CTNND2: variants seen among roughly 807,000 people sequenced by gnomAD.
CTNND2 encodes the protein catenin delta 2, also known as catenin delta-2.
CTNND2 carries 22 observed loss-of-function variants against 144.4 expected under a neutral mutation model. The ratio of observed to expected loss-of-function variants is 0.15; its 90% confidence interval spans 0.11 to 0.22. The LOEUF is 0.22. CTNND2 is among the 10% of genes least tolerant of loss of function. CTNND2 has a pLI of 1.00. For missense variants in CTNND2, 1,353 were observed against 1,618.8 expected, an observed-to-expected ratio of 0.84 and a Z score of 2.82; for synonymous variants, 751 against 695.6, an observed-to-expected ratio of 1.08 and a Z score of -1.25.
At chr5:11,602,829 T>C (rs2126338668) in intron 2 of CTNND2, among the ~76,000 whole-genome samples, 1 of 148,026 alleles carries the variant, frequency 6.8e-6, no homozygotes, top group South Asian at 2.1e-4. Context: ...ATTATTTAAA[T>C]CATCTGTCTG....
intron 17 of CTNND2, 35 bp from the exon 18 acceptor site, chr5:11,018,093 G>A: frequency 7.2e-7 from 1 of 1,396,882 alleles, no homozygotes; most frequent in Non-Finnish European, 1.0e-6. Context: ...CAAGATGTGA[G>A]TGGGACAGCT....
At position 11,385,030 on chromosome 5, in the gene CTNND2, G is replaced by A. The variant is rs955557681; in HGVS notation, c.812C>T (p.Ala271Val). The change falls in exon 7 of 22, where the codon GCG becomes GTG. Residue 271 changes from alanine (A) to valine (V), a missense_variant. Transcript: ENST00000304623. Reference protein sequence around the residue: ...APPRGGSPLAAPQGGSPTKLQ... With the variant: ...APPRGGSPLAVPQGGSPTKLQ... ...CTTGGTGGGCGAACCGCCCTGGGGC[G>A]CGGCCAGCGGGGAGCCCCCGCGCGG... is the stretch of plus-strand genomic sequence containing the variant. 3.3e-6 allele frequency: 4 copies of A among 1,206,644 alleles called. No individual in the cohort carries two copies. The African/African-American group carries it at 4.8e-5, about 14-fold the overall frequency. 74.7% of individuals were successfully genotyped at this position (1,206,644 alleles called of 1,614,324 possible).
intron 1 of CTNND2, among the ~76,000 whole-genome samples, chr5:11,807,320 C>T (rs6554644): frequency 0.1 from 15,139 of 152,112 alleles, 1,785 homozygotes; most frequent in African/African-American, 0.28. Flanking sequence ...TATCTTTTGA[C>T]TTTAGACTAC....
intron 8 of CTNND2, among the ~76,000 whole-genome samples, chr5:11,361,493 GT>G (rs1756449440): frequency 1.3e-5 from 2 of 152,176 alleles, no homozygotes; most frequent in Admixed American, 1.3e-4. Context: ...CACAACCCGT[GT>G]GACCTTCGCA....
chr5:11,716,108 G>T (rs1024774700), intron 2 of CTNND2, among the ~76,000 whole-genome samples: 3 of 152,122 alleles, frequency 2.0e-5, no homozygotes, highest in African/African-American at 7.2e-5. Flanking sequence ...ATGAGCATGG[G>T]GTATCTGGAC....
At chr5:11,345,745 G>T (rs535086562) in intron 9 of CTNND2, among the ~76,000 whole-genome samples, 1 of 151,154 alleles carries the variant, frequency 6.6e-6, no homozygotes, top group South Asian at 2.1e-4. Context: ...GCAGAGCATT[G>T]CTAAACCCCT....
At chr5:10,974,965 G>C (rs546330085) in intron 21 of CTNND2, among the ~76,000 whole-genome samples, 1 of 152,292 alleles carries the variant, frequency 6.6e-6, no homozygotes, top group South Asian at 2.1e-4. Flanking sequence ...CACAGCAGCT[G>C]TCTAGGATGT....
intron 1 of CTNND2, among the ~76,000 whole-genome samples, chr5:11,803,381 T>A (rs1335940863): frequency 6.6e-6 from 1 of 152,110 alleles, no homozygotes; most frequent in Non-Finnish European, 1.5e-5. Flanking sequence ...GAAATTTAAC[T>A]TTTTGCTTTT....
intron 12 of CTNND2, among the ~76,000 whole-genome samples, chr5:11,137,809 C>T (rs6874039): frequency 0.62 from 93,651 of 152,068 alleles, 28,918 homozygotes; most frequent in East Asian, 0.73. Flanking sequence ...AGGTATCCAT[C>T]TGGATATGAA....
intron 13 of CTNND2, among the ~76,000 whole-genome samples, chr5:11,111,521 G>C (rs887590770): frequency 6.6e-6 from 1 of 152,162 alleles, no homozygotes; most frequent in Non-Finnish European, 1.5e-5. Context: ...GCAAACCAGG[G>C]TTGTCCCAGG....
chr5:11,634,035 C>T (rs59459324), intron 2 of CTNND2, among the ~76,000 whole-genome samples: 6,815 of 152,214 alleles, frequency 0.045, 489 homozygotes, highest in African/African-American at 0.15. Flanking sequence ...GCTTCTCCTG[C>T]ACACAGCTCT....
At chr5:11,864,334 A>G (rs1419265947) in intron 1 of CTNND2, among the ~76,000 whole-genome samples, 1 of 152,236 alleles carries the variant, frequency 6.6e-6, no homozygotes, top group Non-Finnish European at 1.5e-5. Context: ...TCATTATTGT[A>G]CTACTTAGAA....
intron 1 of CTNND2, among the ~76,000 whole-genome samples, chr5:11,801,314 T>C (rs1488736439): frequency 6.6e-6 from 1 of 152,192 alleles, no homozygotes; most frequent in Non-Finnish European, 1.5e-5. Context: ...GTAACAGTGA[T>C]AGCTACATTT....
intron 3 of CTNND2, among the ~76,000 whole-genome samples, chr5:11,441,477 C>T (rs1191279254): frequency 6.8e-6 from 1 of 147,450 alleles, no homozygotes; most frequent in African/African-American, 2.5e-5. Context: ...CTCCTGGGTT[C>T]AAGCAATTCT....
intron 2 of CTNND2, among the ~76,000 whole-genome samples, chr5:11,677,152 G>A (rs1253582749): frequency 6.6e-6 from 1 of 152,174 alleles, no homozygotes; most frequent in Non-Finnish European, 1.5e-5. Context: ...ACCAACTTAA[G>A]AGTCTATTCT....
At chr5:11,115,646 G>A (rs1240509740) in intron 13 of CTNND2, among the ~76,000 whole-genome samples, 1 of 152,196 alleles carries the variant, frequency 6.6e-6, no homozygotes, top group Non-Finnish European at 1.5e-5. Context: ...TCTGTGAAAG[G>A]GGAATGCTTA....
At chr5:11,465,410 G>A (rs1766574684) in intron 3 of CTNND2, among the ~76,000 whole-genome samples, 1 of 151,596 alleles carries the variant, frequency 6.6e-6, no homozygotes, top group African/African-American at 2.4e-5. Context: ...CAATGTTTGT[G>A]CAACTGGTAA....
rs1182630969 is a variant in CTNND2, at chr5:11,624,774, C to T, written c.175-59718G>A. On this transcript the variant is annotated intron_variant, in intron 2 of 21. Coordinates refer to ENST00000304623, the MANE Select transcript of CTNND2 (RefSeq NM_001332.4). The stretch of plus-strand genomic sequence containing the variant: ...GTTGGAACCCACACAGGGATAGTTC[C>T]TTTCCCTCCCCCAACATTAAGGAAT... Among the ~76,000 whole-genome samples the T allele has an allele frequency of 3.3e-5, 5 of 151,818 alleles. 1 individual carries two copies. Among genetic ancestry groups the T allele is most frequent in the Admixed American group, 1.3e-4 (2 of 15,238 alleles).
intron 11 of CTNND2, among the ~76,000 whole-genome samples, chr5:11,168,479 G>A (rs1759571529): frequency 1.3e-5 from 2 of 152,026 alleles, no homozygotes; most frequent in African/African-American, 4.8e-5. Context: ...TATTTCTCAG[G>A]CCCCAAGAGA....
Sources: gnomAD v4.1 joint callset for allele counts (sites outside exome capture counted in the v4.1 genomes callset) on GRCh38, gnomAD v4.1.1 for gene constraint, MANE v1.5 for transcripts, NCBI Gene and HGNC (gene_info 2026-07-23, HGNC 2026-07-21) for gene names.